GLDC: variants seen among roughly 807,000 people sequenced by gnomAD.
GLDC encodes the protein glycine dehydrogenase (decarboxylating), mitochondrial.
Under a neutral mutation model 121.3 loss-of-function variants are expected in GLDC, and 104 were observed. The ratio of observed to expected loss-of-function variants is 0.86; its 90% CI spans 0.73 to 1.01. The LOEUF is 1.01. Among genes scored for constraint, GLDC ranks in the 50% least tolerant of loss-of-function variants. The pLI is 0.00. For synonymous variants in GLDC, 546 were observed against 480.6 expected (o/e 1.14, Z -1.78); for missense variants, 1,429 against 1,306.6 (o/e 1.09, Z -1.44).
rs923134846 is a variant in GLDC, at chr9:6,591,929, C to T, written c.1482+214G>A. ...AATGAAACACCATTAACAATCTTTC[C>T]AACTAGCCTGGGTGCATAATACTGG... On this transcript the variant is annotated intron_variant, in intron 11 of 24. Transcript: ENST00000321612. The T allele has an allele frequency of 8.5e-6, 4 of 470,954 alleles. No homozygotes were observed. The Admixed American group carries it at 1.3e-4, about 15-fold the overall frequency. The allele number at this position is 470,954 out of a possible 1,614,324, so 29.2% of individuals were successfully genotyped here. A position where few individuals can be genotyped will look rare whatever the true frequency, so the allele number is the denominator to read the frequency against.
intron 3 of GLDC, among the ~76,000 whole-genome samples, chr9:6,613,687 G>T (rs997506766): frequency 2.0e-5 from 3 of 152,082 alleles, no homozygotes; most frequent in Admixed American, 2.0e-4. Flanking sequence ...TCAAATATTA[G>T]AAATAGCATA....
rs148400315 is a variant in GLDC at position 6,620,010 on chromosome 9, T to C, written c.470+174A>G. ...GAAGAAACTTCTATTTCCTCAACAT[T>C]TGAGCAAGAACATTTCTCGATCCAG... On this transcript the variant is annotated intron_variant, in intron 3 of 24. Coordinates refer to ENST00000321612, the MANE Select transcript of GLDC (RefSeq NM_000170.3). Among the ~76,000 whole-genome samples, 474 of 152,288 alleles carry C rather than the reference T, an allele frequency of 3.1e-3. 7 individuals carry two copies. The highest frequency in any genetic ancestry group is 0.011 in the African/African-American group (451 of 41,554).
chr9:6,574,748 G>C (rs1305231100), intron 15 of GLDC, among the ~76,000 whole-genome samples: 2 of 151,970 alleles, frequency 1.3e-5, no homozygotes, highest in African/African-American at 4.8e-5. Context: ...AAATCAGAGA[G>C]GGCTTACAGG....
intron 19 of GLDC, 110 bp from the exon 20 acceptor site, chr9:6,553,619 C>G: frequency 9.9e-7 from 1 of 1,009,230 alleles, no homozygotes; most frequent in African/African-American, 1.6e-5. Flanking sequence ...GGAGCTCTGA[C>G]AGTGGAAGGG....
At chr9:6,635,148 A>G (rs1214763262) in intron 2 of GLDC, among the ~76,000 whole-genome samples, 2 of 152,144 alleles carry the variant, frequency 1.3e-5, no homozygotes, top group African/African-American at 4.8e-5. Context: ...ACTATTCAAT[A>G]TCTATTTCCT....
intron 18 of GLDC, among the ~76,000 whole-genome samples, 159 bp downstream of exon 18, chr9:6,555,994 T>C (rs961593915): frequency 6.6e-6 from 1 of 152,140 alleles, no homozygotes; most frequent in South Asian, 2.1e-4. Flanking sequence ...CCAGGATAAG[T>C]GGCTTTCCAA....
At chr9:6,551,010 C>CA in intron 20 of GLDC, 96 bp from the exon 21 acceptor site, 1 of 808,842 alleles carries the variant, frequency 1.2e-6, no homozygotes, top group Non-Finnish European at 2.2e-6. Context: ...ACTCCACCCA[C>CA]AAAGGAAGGC....
intron 9 of GLDC, among the ~76,000 whole-genome samples, chr9:6,593,846 C>T (rs1818433997): frequency 6.6e-6 from 1 of 152,064 alleles, no homozygotes; most frequent in Middle Eastern, 3.4e-3. Flanking sequence ...GAGTATGCCA[C>T]CACTCCCAGC....
Position 6,606,662 on chromosome 9 carries a change from T to C in GLDC, c.643A>G (p.Lys215Glu), listed in dbSNP as rs907616957. 6.3e-7 allele frequency: 1 copy of C among 1,591,878 alleles called. No individual in the cohort carries two copies. Among genetic ancestry groups the C allele is most frequent in the Admixed American group, 1.7e-5 (1 of 59,988 alleles). The change falls in exon 5 of 25, where the codon AAG becomes GAG. Residue 215 changes from lysine to glutamate, a missense_variant. Coordinates refer to ENST00000321612, the MANE Select transcript of GLDC (RefSeq NM_000170.3). Reference sequence around the variant, plus strand: ...GGATCAACGAGAAATTTCCTCCTCTTGTTGTGTCTGTTGAAAAGAAAAAGC... The same window carrying C: ...GGATCAACGAGAAATTTCCTCCTCTCGTTGTGTCTGTTGAAAAGAAAAAGC... ...EALQLCYRHN[K>E]RRKFLVDPRC...
intron 4 of GLDC, among the ~76,000 whole-genome samples, chr9:6,607,812 G>A (rs1818766283): frequency 1.3e-5 from 2 of 151,342 alleles, no homozygotes; most frequent in Admixed American, 1.3e-4. Context: ...ACCATGCCCA[G>A]CCAATTTTTG....
chr9:6,640,328 C>T lies in GLDC; in HGVS notation c.334+4286G>A, dbSNP rs576055663. On this transcript the variant is annotated intron_variant, in intron 2 of 24. Coordinates refer to ENST00000321612, the MANE Select transcript of GLDC (RefSeq NM_000170.3). The stretch of plus-strand genomic sequence containing the variant: ...GGCCAAAGGAAAGCCTTGTCACAGA[C>T]TGCGGGGCCTACAGGCAGGACCTGG... 2.9e-4 allele frequency among the ~76,000 whole-genome samples: 44 copies of T among 152,362 alleles called. 1 individual carries two copies. In the South Asian group the frequency reaches 5.6e-3, roughly 19 times the overall value.
rs564692935 is a variant in GLDC at position 6,573,501 on chromosome 9, T to A, written c.1851-8072A>T. Among the ~76,000 whole-genome samples, 127 of 150,310 alleles carry A rather than the reference T, an allele frequency of 8.4e-4. No individual in the cohort carries two copies. The South Asian group carries it at 9.7e-3, about 11-fold the overall frequency. Reference sequence around the variant, plus strand: ...AAAAGAATACATTTATGTGATTTTTTAAAAAAAAATCCATCATCAGTGCAG... The same window carrying A: ...AAAAGAATACATTTATGTGATTTTTAAAAAAAAAATCCATCATCAGTGCAG... On this transcript the variant is annotated intron_variant, in intron 15 of 24. Transcript: ENST00000321612.
intron 23 of GLDC, among the ~76,000 whole-genome samples, chr9:6,535,393 A>G (rs143990129): frequency 1.3e-5 from 2 of 151,496 alleles, no homozygotes; most frequent in African/African-American, 4.8e-5. Flanking sequence ...ACCTCTAGAG[A>G]GGTGCCTGCC....
At chr9:6,609,147 G>C (rs1818799924) in intron 4 of GLDC, among the ~76,000 whole-genome samples, 1 of 152,114 alleles carries the variant, frequency 6.6e-6, no homozygotes, top group Non-Finnish European at 1.5e-5. Flanking sequence ...AATTCCACCA[G>C]GAAGGTACAC....
In GLDC at chr9:6,536,079, C is replaced by G; in HGVS notation, c.2823G>C (p.Arg941Ser). 6.2e-7 allele frequency: 1 copy of G among 1,613,692 alleles called. No individual in the cohort carries two copies. The highest frequency in any genetic ancestry group is 8.5e-7 in the Non-Finnish European group (1 of 1,179,872). The change falls in exon 23 of 25, where the codon AGG becomes AGC. Residue 941 changes from arginine (R) to serine (S), a missense_variant. Coordinates refer to ENST00000321612, the MANE Select transcript of GLDC (RefSeq NM_000170.3). ...ADIEEGRIDP[R>S]VNPLKMSPHS... ...GCCTACGCACCTTCAGCGGATTGAC[C>G]CTGGGGTCGATGCGGCCCTCCTCAA...
intron 15 of GLDC, among the ~76,000 whole-genome samples, chr9:6,569,700 C>T (rs865803188): frequency 6.6e-6 from 1 of 150,628 alleles, no homozygotes; most frequent in Non-Finnish European, 1.5e-5. Context: ...AGGCACAGTG[C>T]CTCATGCCTG....
intron 2 of GLDC, among the ~76,000 whole-genome samples, chr9:6,638,461 C>T (rs900319100): frequency 1.3e-5 from 2 of 152,024 alleles, no homozygotes; most frequent in South Asian, 2.1e-4. Context: ...ATGATCCACC[C>T]GCCTCGCCCT....
chr9:6,625,953 G>A (rs1044821219), intron 2 of GLDC, among the ~76,000 whole-genome samples: 2 of 152,038 alleles, frequency 1.3e-5, no homozygotes, highest in African/African-American at 2.4e-5. Context: ...CCTGGAGCTC[G>A]GGGCTAGAAG....
intron 2 of GLDC, among the ~76,000 whole-genome samples, chr9:6,638,967 C>A (rs987940620): frequency 6.6e-6 from 1 of 151,926 alleles, no homozygotes; most frequent in African/African-American, 2.4e-5. Flanking sequence ...CAAGACCGTG[C>A]CACTGCACTC....
Sources: gnomAD v4.1 joint callset for allele counts (sites outside exome capture counted in the v4.1 genomes callset) on GRCh38, gnomAD v4.1.1 for gene constraint, MANE v1.5 for transcripts, NCBI Gene and HGNC (gene_info 2026-07-23, HGNC 2026-07-21) for gene names.